COL19A1: variants seen among roughly 807,000 people sequenced by gnomAD.
The protein encoded by COL19A1 is collagen alpha-1(XIX) chain.
A neutral mutation model predicts 190.2 loss-of-function variants in COL19A1; 159 were observed. That is an observed-to-expected ratio of 0.84 (90% CI 0.73 to 0.95). COL19A1 has a LOEUF of 0.95. Ranked by LOEUF, COL19A1 falls within the 40% of genes least tolerant of loss-of-function variation. COL19A1 has a pLI of 0.00. For missense variants in COL19A1, 1,418 were observed against 1,431.9 expected, an observed-to-expected ratio of 0.99 and a Z score of 0.16; for synonymous variants, 509 against 458.9, an observed-to-expected ratio of 1.11 and a Z score of -1.39.
chr6:69,971,362 A>T (rs905047993), intron 11 of COL19A1, among the ~76,000 whole-genome samples: 2 of 152,062 alleles, frequency 1.3e-5, no homozygotes, highest in African/African-American at 4.8e-5. Context: ...ATTTTGATGG[A>T]ATAGAGAGTA....
Position 70,207,614 on chromosome 6 carries a change from T to G in COL19A1, c.*340T>G, listed in dbSNP as rs1767975005. On this transcript the variant is annotated 3_prime_UTR_variant, in exon 51 of 51. Transcript: ENST00000620364. ...TAGTAGACTGATGATGATATCCATTTTGTAGACTCATCAACATGTGGTTGG... is the reference window on the plus strand; with the variant it reads ...TAGTAGACTGATGATGATATCCATTGTGTAGACTCATCAACATGTGGTTGG... 1 of 159,828 alleles carries G rather than the reference T, an allele frequency of 6.3e-6. No individual in the cohort carries two copies. Among genetic ancestry groups the G allele is most frequent in the African/African-American group, 2.4e-5 (1 of 41,700 alleles). The allele number at this position is 159,828 out of a possible 1,614,324, so 9.9% of individuals were successfully genotyped here.
chr6:69,887,915 C>T (rs1769051575), intron 2 of COL19A1, among the ~76,000 whole-genome samples: 1 of 152,182 alleles, frequency 6.6e-6, no homozygotes, highest in East Asian at 1.9e-4. Context: ...TCCCAAGGCT[C>T]CATCTCAGTG....
intron 9 of COL19A1, among the ~76,000 whole-genome samples, chr6:69,942,598 A>G (rs889742587): frequency 2.6e-5 from 4 of 151,950 alleles, no homozygotes; most frequent in Admixed American, 6.6e-5. Flanking sequence ...TTAAACTTCT[A>G]CATATAAAGG....
chr6:70,025,307 GGC>G (rs1490490700), intron 12 of COL19A1, among the ~76,000 whole-genome samples: 3 of 152,208 alleles, frequency 2.0e-5, no homozygotes, highest in African/African-American at 7.2e-5. Flanking sequence ...TGGGATTACA[GGC>G]GTGAGCCACC....
chr6:69,994,080 G>C (rs1012210740), intron 11 of COL19A1, among the ~76,000 whole-genome samples: 9 of 151,944 alleles, frequency 5.9e-5, no homozygotes, highest in Admixed American at 2.0e-4. Flanking sequence ...GCTTTATTAT[G>C]TGGGTATTTA....
At chr6:69,977,569 A>G (rs1775792937) in intron 11 of COL19A1, among the ~76,000 whole-genome samples, 1 of 152,082 alleles carries the variant, frequency 6.6e-6, no homozygotes, top group African/African-American at 2.4e-5. Context: ...TTAAAGTATA[A>G]TAATAATAAA....
At chr6:70,180,241 G>A (rs879344485) in intron 42 of COL19A1, 71 bp from the exon 43 acceptor site, 138 of 1,555,576 alleles carry the variant, frequency 8.9e-5, no homozygotes, top group Non-Finnish European at 1.2e-4. Context: ...AATTGGGGTT[G>A]GGGGAAGAGA....
At chr6:70,192,701 C>T (rs934103957) in intron 48 of COL19A1, among the ~76,000 whole-genome samples, 1 of 152,112 alleles carries the variant, frequency 6.6e-6, no homozygotes, top group Admixed American at 6.5e-5. Context: ...AAAATGCTGG[C>T]ACACTTGTTA....
At chr6:69,902,365 C>T (rs868053899) in intron 4 of COL19A1, among the ~76,000 whole-genome samples, 4 of 152,090 alleles carry the variant, frequency 2.6e-5, no homozygotes, top group Non-Finnish European at 4.4e-5. Context: ...TCTGGCATAT[C>T]CCAGGTGAGG....
chr6:69,966,130 A>G (rs185661332), intron 11 of COL19A1, among the ~76,000 whole-genome samples: 13 of 152,332 alleles, frequency 8.5e-5, no homozygotes, highest in African/African-American at 1.9e-4. Flanking sequence ...CTTACATTAC[A>G]TTAGAAGCCG....
chr6:70,106,227 T>C lies in COL19A1; in HGVS notation c.1278+4005T>C, dbSNP rs181406401. ...ACCAGTCCTTCTACTTGATTATTTG[T>C]TCTGAAGCCAAATTAGTATATTCTC... On this transcript the variant is annotated intron_variant, in intron 16 of 50. Coordinates refer to ENST00000620364, the MANE Select transcript of COL19A1 (RefSeq NM_001858.6). 6.2e-4 allele frequency among the ~76,000 whole-genome samples: 94 copies of C among 152,210 alleles called. No homozygotes were observed. In the Middle Eastern group the frequency reaches 0.01, roughly 17 times the overall value.
intron 11 of COL19A1, among the ~76,000 whole-genome samples, chr6:69,989,275 C>T (rs1306679696): frequency 6.6e-6 from 1 of 152,206 alleles, no homozygotes; most frequent in East Asian, 1.9e-4. Context: ...CATGTCCAGA[C>T]ATCCCTAACT....
chr6:70,076,193 A>G (rs1472641444), intron 15 of COL19A1, among the ~76,000 whole-genome samples: 1 of 152,168 alleles, frequency 6.6e-6, no homozygotes, highest in East Asian at 1.9e-4. Flanking sequence ...GGGGTACTAT[A>G]GTATCATTCC....
intron 14 of COL19A1, among the ~76,000 whole-genome samples, chr6:70,051,980 C>A (rs1473955128): frequency 4.6e-5 from 7 of 152,006 alleles, no homozygotes; most frequent in African/African-American, 1.7e-4. Context: ...CGAATAGATC[C>A]CATAAATCAT....
intron 15 of COL19A1, among the ~76,000 whole-genome samples, chr6:70,069,985 CAG>C (rs1781451607): frequency 6.6e-6 from 1 of 152,122 alleles, no homozygotes; most frequent in African/African-American, 2.4e-5. Context: ...CTGAACAGAA[CAG>C]GGCCTGACAA....
chr6:69,936,177 T>A (rs1308267928), intron 7 of COL19A1, among the ~76,000 whole-genome samples: 3 of 152,152 alleles, frequency 2.0e-5, no homozygotes, highest in Non-Finnish European at 1.5e-5. Flanking sequence ...AAATTGCACT[T>A]CACTTTGTCC....
chr6:70,052,145 A>G (rs1193873601), intron 14 of COL19A1, among the ~76,000 whole-genome samples: 4 of 152,250 alleles, frequency 2.6e-5, no homozygotes, highest in Non-Finnish European at 5.9e-5. Context: ...CTTTGGCCCA[A>G]GTGGGCAACC....
Position 70,145,028 on chromosome 6 carries a change from T to C in COL19A1, c.1770+21T>C, listed in dbSNP as rs1786531367. ...AACCAGTAAGTATTAGCCCTTTTGT[T>C]AATATTTTTCTTGCAAGTTCATTAA... On this transcript the variant is annotated intron_variant, in intron 25 of 50. Transcript: ENST00000620364. 4 of 1,494,004 alleles carry C rather than the reference T, an allele frequency of 2.7e-6. No individual in the cohort carries two copies. The East Asian group carries it at 9.7e-5, about 36-fold the overall frequency. The allele number at this position is 1,494,004 out of a possible 1,614,324, so 92.5% of individuals were successfully genotyped here. A position where few individuals can be genotyped will look rare whatever the true frequency, so the allele number is the denominator to read the frequency against.
chr6:70,137,707 T>G lies in COL19A1; in HGVS notation c.1406T>G (p.Phe469Cys), dbSNP rs764116215. The G allele has an allele frequency of 1.2e-5, 20 of 1,613,308 alleles. No individual in the cohort carries two copies. The East Asian group carries it at 4.5e-4, about 36-fold the overall frequency. Residue 469 changes from phenylalanine (F) to cysteine (C), a missense_variant, in exon 19 of 51, where the codon TTT becomes TGT. By Grantham distance (205) the Phe-to-Cys change is radical (BLOSUM62 -2). Coordinates refer to ENST00000620364, the MANE Select transcript of COL19A1 (RefSeq NM_001858.6). ...GDKGETGLPG[F>C]PGSVGPKGQK... ...AAGGGTGAAACTGGACTACCAGGAT[T>G]TCCAGGGTCTGTTGGCCCTAAAGGA...
Sources: allele counts gnomAD v4.1 joint callset (sites outside exome capture counted in the v4.1 genomes callset), GRCh38; gene constraint gnomAD v4.1.1; transcripts MANE v1.5; gene names NCBI Gene and HGNC (gene_info 2026-07-23, HGNC 2026-07-21).